The following TRAF3IP2 variants were observed in gnomAD, a reference collection of about 807,000 sequenced individuals.
TRAF3IP2 encodes the protein E3 ubiquitin ligase TRAF3IP2.
A neutral mutation model predicts 57.9 loss-of-function variants in TRAF3IP2; 35 were observed. The ratio of observed to expected loss-of-function variants is 0.60; its 90% confidence interval spans 0.46 to 0.80. The LOEUF (loss-of-function observed/expected upper bound fraction) is 0.80, where lower values mean the gene tolerates loss of function less well. Ranked by LOEUF, TRAF3IP2 falls within the 30% of genes least tolerant of loss-of-function variation. The pLI is 0.00. For missense variants in TRAF3IP2, 556 were observed against 706.4 expected, an observed-to-expected ratio of 0.79 and a Z score of 2.41; for synonymous variants, 251 against 268.9, an observed-to-expected ratio of 0.93 and a Z score of 0.65.
At chr6:111,562,455 T>C (rs1308758736) in intron 8 of TRAF3IP2, among the ~76,000 whole-genome samples, 2 of 152,238 alleles carry the variant, frequency 1.3e-5, no homozygotes, top group East Asian at 3.8e-4. Flanking sequence ...GCAGTGATCC[T>C]ATCAGATAGC....
In TRAF3IP2 at chr6:111,577,873, G is replaced by A. The variant is rs532043222; in HGVS notation, c.1023-2052C>T. On this transcript the variant is annotated intron_variant, in intron 3 of 8. Coordinates refer to ENST00000368761, the MANE Select transcript of TRAF3IP2 (RefSeq NM_147686.4). ...ACCACAGGTATGTGCCACCACACCC[G>A]GCTAATTTTTGTATTTTTTTGTAGA... Among the ~76,000 whole-genome samples, 41 of 152,028 alleles carry A rather than the reference G, an allele frequency of 2.7e-4. 1 individual carries two copies. Among genetic ancestry groups the A allele is most frequent in the African/African-American group, 9.6e-4 (40 of 41,464 alleles).
At chr6:111,594,604 T>G (rs1008385911) in intron 1 of TRAF3IP2, 30 of 408,510 alleles carry the variant, frequency 7.3e-5, no homozygotes, top group Non-Finnish European at 1.2e-4. Context: ...CATCCTCTGG[T>G]GGGAATTCTT....
intron 5 of TRAF3IP2, chr6:111,572,635 G>C: frequency 2.6e-6 from 1 of 387,642 alleles, no homozygotes. Flanking sequence ...CTGCATATGT[G>C]GTCAGCATTA....
chr6:111,564,770 G>A (rs1325501922), intron 7 of TRAF3IP2, among the ~76,000 whole-genome samples: 2 of 152,232 alleles, frequency 1.3e-5, no homozygotes, highest in African/African-American at 2.4e-5. Flanking sequence ...AGGCCAAGCT[G>A]TGTATTACTG....
chr6:111,570,976 G>A (rs1473270516), intron 5 of TRAF3IP2, among the ~76,000 whole-genome samples: 3 of 151,070 alleles, frequency 2.0e-5, no homozygotes, highest in Admixed American at 6.6e-5. Context: ...GTGTGATGCC[G>A]GCTTACTACA....
chr6:111,580,229 T>G lies in TRAF3IP2; in HGVS notation c.990A>C (p.Arg330Ser). The change falls in exon 3 of 9, where the codon AGA becomes AGC. Residue 330 changes from arginine to serine, a missense_variant. Coordinates refer to ENST00000368761, the MANE Select transcript of TRAF3IP2 (RefSeq NM_147686.4). ...PWDHEERPAQ[R>S]DCSFPGLPRH... ...TTGGAAGCCCCGGAAAGGAGCAGTC[T>G]CTCTGTGCGGGCCTCTCTTCGTGGT... is the stretch of plus-strand genomic sequence containing the variant. 1.2e-6 allele frequency: 2 copies of G among 1,614,212 alleles called. No homozygotes were observed. Among genetic ancestry groups the G allele is most frequent in the East Asian group, 2.2e-5 (1 of 44,876 alleles).
intron 8 of TRAF3IP2, 33 bp from the exon 9 acceptor site, chr6:111,559,584 A>G (rs779881141): frequency 1.9e-6 from 3 of 1,604,432 alleles, no homozygotes; most frequent in African/African-American, 2.7e-5. Flanking sequence ...AGCAAAGGTC[A>G]TTAGAGAAAA....
chr6:111,598,530 TGG>T (rs1446280110), intron 1 of TRAF3IP2, among the ~76,000 whole-genome samples: 1 of 152,190 alleles, frequency 6.6e-6, no homozygotes, highest in Admixed American at 6.5e-5. Flanking sequence ...TGAACTGAAA[TGG>T]AACTATCTCT....
chr6:111,588,681 A>T (rs1796412762), intron 2 of TRAF3IP2, among the ~76,000 whole-genome samples: 1 of 152,198 alleles, frequency 6.6e-6, no homozygotes, highest in Non-Finnish European at 1.5e-5. Context: ...CTTCGCATTA[A>T]TCTAAGGAGT....
intron 1 of TRAF3IP2, among the ~76,000 whole-genome samples, chr6:111,603,810 A>G (rs1796947357): frequency 6.6e-6 from 1 of 152,226 alleles, no homozygotes; most frequent in African/African-American, 2.4e-5. Context: ...CATTACTCAG[A>G]CCTCACTTCT....
chr6:111,580,876 C>G (rs1040382), intron 2 of TRAF3IP2, among the ~76,000 whole-genome samples: 51,645 of 150,470 alleles, frequency 0.34, 9,610 homozygotes, highest in African/African-American at 0.5. Context: ...ACACACACAC[C>G]CCACTCTCCT....
chr6:111,594,087 C>A (rs567473130), intron 1 of TRAF3IP2, among the ~76,000 whole-genome samples: 2 of 143,946 alleles, frequency 1.4e-5, no homozygotes, highest in Non-Finnish European at 3.0e-5. Flanking sequence ...GCTGAGATTG[C>A]GCCACTGCAT....
chr6:111,598,747 T>A (rs1260959840), intron 1 of TRAF3IP2, among the ~76,000 whole-genome samples: 2 of 152,194 alleles, frequency 1.3e-5, no homozygotes, highest in Admixed American at 1.3e-4. Context: ...AACAAGTGCA[T>A]CTATTTTGAC....
chr6:111,580,438 T>G, intron 2 of TRAF3IP2, 49 bp from the exon 3 acceptor site: 2 of 1,492,070 alleles, frequency 1.3e-6, no homozygotes, highest in Non-Finnish European at 1.8e-6. Flanking sequence ...CTCTAGCTCC[T>G]TCGTGTGAAA....
At chr6:111,595,972 C>G (rs542226617) in intron 1 of TRAF3IP2, among the ~76,000 whole-genome samples, 68 of 152,268 alleles carry the variant, frequency 4.5e-4, no homozygotes, top group Admixed American at 1.0e-3. Flanking sequence ...CCACGACCGG[C>G]GTCCCAGGGC....
At chr6:111,559,637 G>C in intron 8 of TRAF3IP2, 86 bp from the exon 9 acceptor site, 1 of 1,501,848 alleles carries the variant, frequency 6.7e-7, no homozygotes, top group Non-Finnish European at 9.0e-7. Flanking sequence ...AACATTTCTG[G>C]CTTTCCCTAC....
At chr6:111,574,510 T>TAGG (rs1273062297) in intron 4 of TRAF3IP2, 1 of 152,268 alleles carries the variant, frequency 6.6e-6, no homozygotes, top group African/African-American at 2.4e-5. Flanking sequence ...ATCATCACCT[T>TAGG]ACGCTTAGTT....
At chr6:111,559,576 C>A in intron 8 of TRAF3IP2, 25 bp from the exon 9 acceptor site, 1 of 1,610,832 alleles carries the variant, frequency 6.2e-7, no homozygotes, top group Non-Finnish European at 8.5e-7. Flanking sequence ...ATGACAGGAG[C>A]AAAGGTCATT....
chr6:111,585,884 C>T (rs1341436085), intron 2 of TRAF3IP2, among the ~76,000 whole-genome samples: 1 of 152,176 alleles, frequency 6.6e-6, no homozygotes, highest in African/African-American at 2.4e-5. Context: ...ATCTTCTTGG[C>T]CTGAGTACAC....
Sources: allele counts gnomAD v4.1 joint callset (sites outside exome capture counted in the v4.1 genomes callset), GRCh38; gene constraint gnomAD v4.1.1; transcripts MANE v1.5; gene names NCBI Gene and HGNC (gene_info 2026-07-23, HGNC 2026-07-21).